ZNF195: variants seen among roughly 807,000 people sequenced by gnomAD.
ZNF195 encodes the protein zinc finger protein 195.
In ZNF195, 11 loss-of-function variants were observed where a neutral mutation model predicts 19.5. The ratio of observed to expected loss-of-function variants is 0.57; its 90% confidence interval spans 0.36 to 0.94. The LOEUF (loss-of-function observed/expected upper bound fraction) is 0.94. ZNF195 is among the 40% of genes least tolerant of loss of function. The pLI is 0.01. For missense variants in ZNF195, 582 were observed against 709.0 expected (o/e 0.82, Z 2.03); for synonymous variants, 214 against 248.1 (o/e 0.86, Z 1.29).
At chr11:3,376,625 G>A (rs567805860) in intron 1 of ZNF195, among the ~76,000 whole-genome samples, 1 of 152,304 alleles carries the variant, frequency 6.6e-6, no homozygotes, top group Non-Finnish European at 1.5e-5. Context: ...CAGAAGAAAA[G>A]GAAACTGTAA....
rs1418426719 is a variant in ZNF195, at chr11:3,360,100, T to C, written c.908A>G (p.Gln303Arg). 6.2e-7 allele frequency: 1 copy of C among 1,614,188 alleles called. No individual in the cohort carries two copies. Among genetic ancestry groups the C allele is most frequent in the Admixed American group, 1.7e-5 (1 of 60,032 alleles). ...AGTTTTAATGACGTTGTTACATTCTTGACACTTGTAAGGTTTCTCTCCAGT... is the reference window on the plus strand; with the variant it reads ...AGTTTTAATGACGTTGTTACATTCTCGACACTTGTAAGGTTTCTCTCCAGT... Reference protein sequence around the residue: ...IDTGEKPYKCQECNNVIKTCS... With the variant: ...IDTGEKPYKCRECNNVIKTCS... Residue 303 changes from glutamine to arginine, a missense_variant, in exon 6 of 6, where the codon CAA becomes CGA. Gln to Arg is a conservative substitution (Grantham distance 43). Around this residue, in one of 3 missense-constraint regions of ZNF195, gnomAD observed 407 missense variants for 530.5 expected, o/e 0.77. Transcript: ENST00000399602.
In ZNF195 at chr11:3,361,758, C is replaced by T; in HGVS notation, c.358G>A (p.Val120Met). 1 of 1,298,006 alleles carries T rather than the reference C, an allele frequency of 7.7e-7. No homozygotes were observed. Among genetic ancestry groups the T allele is most frequent in the Middle Eastern group, 3.1e-4 (1 of 3,254 alleles). 80.4% of individuals were successfully genotyped at this position (1,298,006 alleles called of 1,614,324 possible). ...AGGAGATTACCAGTGAATTTGTCCA[C>T]AGAAACATTGAGGCCTGGCTGGGCA... Reference protein sequence around the residue: ...HRAQPGLNVSVDKFTALCSPG... With the variant: ...HRAQPGLNVSMDKFTALCSPG... Residue 120 changes from valine to methionine, a missense_variant, in exon 4 of 6, where the codon GTG (valine) becomes ATG (methionine). By Grantham distance (21) the Val-to-Met change is conservative. Transcript: ENST00000399602.
chr11:3,359,542 G>A lies in ZNF195; in HGVS notation c.1466C>T (p.Ser489Phe). 1.2e-6 allele frequency: 2 copies of A among 1,614,148 alleles called. No individual in the cohort carries two copies. The highest frequency in any genetic ancestry group is 1.7e-6 in the Non-Finnish European group (2 of 1,180,018). The change falls in exon 6 of 6, where the codon TCT becomes TTT. Residue 489 changes from serine to phenylalanine, a missense_variant. Coordinates refer to ENST00000399602, the MANE Select transcript of ZNF195 (RefSeq NM_001130520.3). This position sits in a 1 kb window ranked among gnomAD's most constrained non-coding sequence, Gnocchi z 5.5. ...SSLSNHKRTH[S>F]EEKPYTCEEC... The stretch of plus-strand genomic sequence containing the variant: ...TTCACACGTGTAGGGTTTTTCTTCA[G>A]AATGAGTTCTCTTATGGTTAGAAAG...
chr11:3,379,065 G>T lies in ZNF195; in HGVS notation c.-25C>A, dbSNP rs571641140. The T allele has an allele frequency of 3.3e-6, 5 of 1,495,474 alleles. No homozygotes were observed. The highest frequency in any genetic ancestry group is 4.5e-6 in the Non-Finnish European group (5 of 1,112,430). 92.6% of individuals were successfully genotyped at this position (1,495,474 alleles called of 1,614,324 possible). A position where few individuals can be genotyped will look rare whatever the true frequency, so the allele number is the denominator to read the frequency against. ...TCTCCTGGCCTCCAGAGAGCCTGGC[G>T]TTTCACTTCTGGATCTCCCGGTGCC... is the stretch of plus-strand genomic sequence containing the variant. On this transcript the variant is annotated 5_prime_UTR_variant, in exon 1 of 6. Coordinates refer to ENST00000399602, the MANE Select transcript of ZNF195 (RefSeq NM_001130520.3).
intron 3 of ZNF195, among the ~76,000 whole-genome samples, chr11:3,364,396 A>G (rs1026236000): frequency 2.0e-5 from 3 of 152,250 alleles, no homozygotes; most frequent in Non-Finnish European, 4.4e-5. Flanking sequence ...AACTCTGTTA[A>G]AGGTATATAA....
intron 1 of ZNF195, 77 bp downstream of exon 1, chr11:3,378,961 C>T (rs941373871): frequency 2.3e-6 from 3 of 1,321,576 alleles, no homozygotes; most frequent in African/African-American, 1.5e-5. Context: ...CCGGGCAGCC[C>T]GGTTCCTCCC....
At chr11:3,377,759 T>C in intron 1 of ZNF195, 2 of 1,036,154 alleles carry the variant, frequency 1.9e-6, no homozygotes, top group Non-Finnish European at 2.4e-6. Flanking sequence ...CCAGCAGACA[T>C]GGCCATGGTG....
chr11:3,360,568 G>T lies in ZNF195; in HGVS notation c.443-3C>A. 1 of 1,324,554 alleles carries T rather than the reference G, an allele frequency of 7.5e-7. No homozygotes were observed. Among genetic ancestry groups the T allele is most frequent in the Non-Finnish European group, 1.0e-6 (1 of 1,003,962 alleles). 82.1% of individuals were successfully genotyped at this position (1,324,554 alleles called of 1,614,324 possible). ...TTGGGTAAAATGAGAAGACATAGCTGAAAAAAAAAAAAAAAGTTATCCGAC... is the reference window on the plus strand; with the variant it reads ...TTGGGTAAAATGAGAAGACATAGCTTAAAAAAAAAAAAAAAGTTATCCGAC... On this transcript the variant is annotated splice_region_variant and splice_polypyrimidine_tract_variant and intron_variant, in intron 5 of 5. Coordinates refer to ENST00000399602, the MANE Select transcript of ZNF195 (RefSeq NM_001130520.3).
At chr11:3,364,646 A>C (rs7945762) in intron 3 of ZNF195, among the ~76,000 whole-genome samples, 114,023 of 151,972 alleles carry the variant, frequency 0.75, 43,136 homozygotes, top group Middle Eastern at 0.8. Flanking sequence ...AAGGTGATCC[A>C]AAAGAAAATA....
At chr11:3,374,332 A>G (rs1240785005) in intron 1 of ZNF195, among the ~76,000 whole-genome samples, 6 of 152,186 alleles carry the variant, frequency 3.9e-5, no homozygotes, top group Non-Finnish European at 7.3e-5. Flanking sequence ...GATCATTAAC[A>G]CTCAGCTAAA....
chr11:3,367,587 CT>C (rs1848963160), intron 3 of ZNF195, among the ~76,000 whole-genome samples: 1 of 152,014 alleles, frequency 6.6e-6, no homozygotes, highest in African/African-American at 2.4e-5. Context: ...TATACCGATG[CT>C]ATTCTTATGC....
chr11:3,362,800 T>C (rs1848695721), intron 3 of ZNF195: 2 of 292,708 alleles, frequency 6.8e-6, no homozygotes, highest in African/African-American at 4.3e-5. Context: ...TGCTAAATAA[T>C]TTAAAACCAA....
At chr11:3,373,649 A>G in intron 1 of ZNF195, 1 of 1,547,852 alleles carries the variant, frequency 6.5e-7, no homozygotes, top group Non-Finnish European at 8.7e-7. Flanking sequence ...TCTCTGGACA[A>G]ATCACACCTG....
chr11:3,371,043 A>G lies in ZNF195; in HGVS notation c.158T>C (p.Ile53Thr), dbSNP rs777476855. 2.1e-5 allele frequency: 34 copies of G among 1,613,932 alleles called. No homozygotes were observed. The highest frequency in any genetic ancestry group is 2.9e-5 in the Non-Finnish European group (34 of 1,179,928). Residue 53 changes from isoleucine (I) to threonine (T), a missense_variant, in exon 3 of 6, where the codon ATC becomes ACC. By Grantham distance (89) the Ile-to-Thr change is moderately conservative (BLOSUM62 -1). Around this residue, in one of 3 missense-constraint regions of ZNF195, gnomAD observed 46 missense variants for 66.5 expected, o/e 0.69. Coordinates refer to ENST00000399602, the MANE Select transcript of ZNF195 (RefSeq NM_001130520.3). ...VGLTVCKPGLITCLEQRKEPW... is the reference protein window; with the variant it reads ...VGLTVCKPGLTTCLEQRKEPW... Reference sequence around the variant, plus strand: ...CTCTTTTCGTTGCTCCAGGCAGGTGATCAGGCCTGGCTTACAGACAGTGAG... The same window carrying G: ...CTCTTTTCGTTGCTCCAGGCAGGTGGTCAGGCCTGGCTTACAGACAGTGAG...
In ZNF195 at chr11:3,360,358, T is replaced by G; in HGVS notation, c.650A>C (p.Gln217Pro). 1 of 1,603,812 alleles carries G rather than the reference T, an allele frequency of 6.2e-7. No homozygotes were observed. Among genetic ancestry groups the G allele is most frequent in the Non-Finnish European group, 8.5e-7 (1 of 1,173,838 alleles). Residue 217 changes from glutamine to proline, a missense_variant, in exon 6 of 6, where the codon CAA becomes CCA. Gln to Pro is a moderately conservative substitution (Grantham distance 76, BLOSUM62 -1). Transcript: ENST00000399602. The stretch of plus-strand genomic sequence containing the variant: ...AAAGATTTTAACATATTTATTATAT[T>G]GAAAGATTTTGCTATGGGTAGTTGA... ...CSSTTHSKIF[Q>P]YNKYVKIFDN...
chr11:3,370,540 A>T (rs945421358), intron 3 of ZNF195, among the ~76,000 whole-genome samples: 1 of 152,246 alleles, frequency 6.6e-6, no homozygotes, highest in South Asian at 2.1e-4. Flanking sequence ...AGCATACAAC[A>T]TCTGTTTACG....
At chr11:3,371,503 A>G in intron 2 of ZNF195, 74 bp downstream of exon 2, 1 of 1,602,118 alleles carries the variant, frequency 6.2e-7, no homozygotes. Flanking sequence ...AGAAACTCCC[A>G]AAAAACATTC....
chr11:3,370,827 C>T lies in ZNF195; in HGVS notation c.226+148G>A, dbSNP rs545048309. 133 of 690,794 alleles carry T rather than the reference C, an allele frequency of 1.9e-4. No homozygotes were observed. The African/African-American group carries it at 2.0e-3, about 10-fold the overall frequency. The allele number at this position is 690,794 out of a possible 1,614,324, so 42.8% of individuals were successfully genotyped here. ...TTGAGAGAATGAGACAGAAGACGCT[C>T]CTAGGGTACAGCAAGAGAAAGACAC... On this transcript the variant is annotated intron_variant, in intron 3 of 5. Coordinates refer to ENST00000399602, the MANE Select transcript of ZNF195 (RefSeq NM_001130520.3).
chr11:3,372,362 A>G (rs973423474), intron 1 of ZNF195, among the ~76,000 whole-genome samples: 1 of 152,266 alleles, frequency 6.6e-6, no homozygotes, highest in African/African-American at 2.4e-5. Context: ...TAAACTCCAC[A>G]ATGGAAAATC....
Sources: allele counts gnomAD v4.1 joint callset (sites outside exome capture counted in the v4.1 genomes callset), GRCh38; gene constraint gnomAD v4.1.1; regional missense constraint gnomAD v4.1.1; non-coding constraint Gnocchi (gnomAD v3.1); transcripts MANE v1.5; gene names NCBI Gene and HGNC (gene_info 2026-07-23, HGNC 2026-07-21).